NADK2: variants seen among roughly 807,000 people sequenced by gnomAD.
NADK2 encodes NAD kinase domain-containing protein 1, mitochondrial.
Under a neutral mutation model 62.1 loss-of-function variants are expected in NADK2, and 35 were observed. The ratio of observed to expected loss-of-function variants is 0.56; its 90% confidence interval spans 0.43 to 0.75. NADK2 has a LOEUF of 0.75. Ranked by LOEUF, NADK2 falls within the 30% of genes least tolerant of loss-of-function variation. The pLI is 0.00. For synonymous variants in NADK2, 205 were observed against 207.9 expected (o/e 0.99, Z 0.12); for missense variants, 439 against 561.3 (o/e 0.78, Z 2.20).
intron 4 of NADK2, among the ~76,000 whole-genome samples, chr5:36,225,021 C>G (rs1368706271): frequency 6.6e-6 from 1 of 152,072 alleles, no homozygotes; most frequent in Non-Finnish European, 1.5e-5. Context: ...CCCTCCTCAG[C>G]AATACCAAAG....
At chr5:36,239,327 A>G (rs1748022765) in intron 1 of NADK2, among the ~76,000 whole-genome samples, 4 of 152,242 alleles carry the variant, frequency 2.6e-5, no homozygotes, top group African/African-American at 4.8e-5. Flanking sequence ...CTGGTCTACA[A>G]CTAATGCTAT....
intron 1 of NADK2, among the ~76,000 whole-genome samples, chr5:36,239,603 C>G (rs1210902407): frequency 1.3e-5 from 2 of 152,114 alleles, no homozygotes; most frequent in Non-Finnish European, 2.9e-5. Flanking sequence ...CTTTTTAAGA[C>G]TTATTGATTT....
At chr5:36,230,717 G>A (rs1375841918) in intron 1 of NADK2, among the ~76,000 whole-genome samples, 1 of 151,894 alleles carries the variant, frequency 6.6e-6, no homozygotes, top group African/African-American at 2.4e-5. Context: ...AGTTACTATA[G>A]TATATTATTT....
intron 4 of NADK2, 49 bp from the exon 5 acceptor site, chr5:36,219,728 A>G (rs1185661901): frequency 2.8e-6 from 4 of 1,428,990 alleles, no homozygotes; most frequent in Non-Finnish European, 3.9e-6. Context: ...AAAAGAAAAA[A>G]GGTGAAGCAA....
chr5:36,195,199 G>C lies in NADK2; in HGVS notation c.1274C>G (p.Ala425Gly), dbSNP rs1746184149. 1.2e-6 allele frequency: 2 copies of C among 1,613,196 alleles called. No homozygotes were observed. The highest frequency in any genetic ancestry group is 2.7e-5 in the African/African-American group (2 of 74,852). Reference protein sequence around the residue: ...TSFEFNDGAIASMMINKEDEL... With the variant: ...TSFEFNDGAIGSMMINKEDEL... ...ATCTTCTTTATTGATCATCATCGAA[G>C]CAATTGCACCATCATTAAACTCAAA... Residue 425 changes from alanine to glycine, a missense_variant, in exon 12 of 12, where the codon GCT (alanine) becomes GGT (glycine). Physicochemically the swap from Ala to Gly is moderately conservative, Grantham distance 60 (BLOSUM62 0). Transcript: ENST00000381937.
At chr5:36,227,671 AT>A in intron 1 of NADK2, 106 bp from the exon 2 acceptor site, 1 of 499,466 alleles carries the variant, frequency 2.0e-6, no homozygotes, top group Non-Finnish European at 3.2e-6. Flanking sequence ...TTTTGAAAAT[AT>A]ATTTTAATAA....
intron 1 of NADK2, among the ~76,000 whole-genome samples, chr5:36,229,821 T>C (rs115796192): frequency 0.01 from 1,562 of 150,042 alleles, 21 homozygotes; most frequent in South Asian, 0.043. Flanking sequence ...ATGCTATTAT[T>C]ATTCATTCAG....
intron 10 of NADK2, among the ~76,000 whole-genome samples, chr5:36,199,865 A>C (rs1449702016): frequency 6.6e-6 from 1 of 152,082 alleles, no homozygotes; most frequent in Non-Finnish European, 1.5e-5. Flanking sequence ...TGAGTGAATA[A>C]GAAGATAAGC....
In NADK2 at chr5:36,193,857, G is replaced by C. The variant is rs1746123236; in HGVS notation, c.*1287C>G. On this transcript the variant is annotated 3_prime_UTR_variant, in exon 12 of 12. Coordinates refer to ENST00000381937, the MANE Select transcript of NADK2 (RefSeq NM_001085411.3). ...GCCCACAAGACTCAAATTGTATAAGGATAGAGTCTGTTTCATTCATCAACA... is the reference window on the plus strand; with the variant it reads ...GCCCACAAGACTCAAATTGTATAAGCATAGAGTCTGTTTCATTCATCAACA... 6.6e-6 allele frequency: 1 copy of C among 152,560 alleles called. No individual in the cohort carries two copies. The highest frequency in any genetic ancestry group is 1.5e-5 in the Non-Finnish European group (1 of 68,024). 9.5% of individuals were successfully genotyped at this position (152,560 alleles called of 1,614,324 possible).
rs77844035 is a variant in NADK2, at chr5:36,240,559, C to T, written c.300+940G>A. ...TTTCCAATATATTTTTCTGGACATA[C>T]TGCTCATGGTAGCACCGGGCACTCT... On this transcript the variant is annotated intron_variant, in intron 1 of 11. Transcript: ENST00000381937. 0.012 allele frequency among the ~76,000 whole-genome samples: 1,796 copies of T among 152,278 alleles called. 143 individuals are homozygous for T. The East Asian group carries it at 0.21, about 18-fold the overall frequency.
rs78985509 is a variant in NADK2, at chr5:36,200,931, G to T, written c.1012+175C>A. 0.012 allele frequency among the ~76,000 whole-genome samples: 1,851 copies of T among 152,118 alleles called. 158 individuals are homozygous for T. The East Asian group carries it at 0.21, about 18-fold the overall frequency. On this transcript the variant is annotated intron_variant, in intron 9 of 11. Transcript: ENST00000381937. ...AAAGGTCATATGCTGAGGTTGCTAA[G>T]ATTTACAATCAGATATATGAATCTT... is the stretch of plus-strand genomic sequence containing the variant.
Position 36,241,401 on chromosome 5 carries a change from T to G in NADK2, c.300+98A>C. On this transcript the variant is annotated intron_variant, in intron 1 of 11. Coordinates refer to ENST00000381937, the MANE Select transcript of NADK2 (RefSeq NM_001085411.3). The surrounding 1 kb of genome is among the most constrained non-coding windows in gnomAD (Gnocchi z 4.9). ...GGCAGGACCGGCATCTGCGGTGCCC[T>G]GGGAAGAGTCGTCCCGAGAGGTCCC... The G allele has an allele frequency of 7.2e-7, 1 of 1,390,172 alleles. No homozygotes were observed. The allele number at this position is 1,390,172 out of a possible 1,614,324, so 86.1% of individuals were successfully genotyped here.
rs1364465346 is a variant in NADK2 at position 36,241,657 on chromosome 5, C to G, written c.142G>C (p.Gly48Arg). The G allele has an allele frequency of 2.4e-6, 3 of 1,252,616 alleles. No individual in the cohort carries two copies. The African/African-American group carries it at 4.7e-5, about 20-fold the overall frequency. 77.6% of individuals were successfully genotyped at this position (1,252,616 alleles called of 1,614,324 possible). A position where few individuals can be genotyped will look rare whatever the true frequency, so the allele number is the denominator to read the frequency against. Residue 48 changes from glycine to arginine, a missense_variant, in exon 1 of 12, where the codon GGG becomes CGG. By Grantham distance (125) the Gly-to-Arg change is moderately radical. Transcript: ENST00000381937. This position sits in a 1 kb window ranked among gnomAD's most constrained non-coding sequence, Gnocchi z 4.9. ...GGDGGGRRHL[G>R]QGQPRELAGC... ...GCCAGCTCGCGCGGCTGCCCCTGCC[C>G]CAGGTGCCGCCGGCCGCCACCGTCA...
At chr5:36,226,339 T>C (rs2112164823) in intron 3 of NADK2, 136 bp downstream of exon 3, 1 of 600,996 alleles carries the variant, frequency 1.7e-6, no homozygotes, top group African/African-American at 1.8e-5. Flanking sequence ...GTTTTAAACT[T>C]GATCGTAACA....
intron 4 of NADK2, among the ~76,000 whole-genome samples, chr5:36,223,939 C>T (rs1045016532): frequency 3.3e-5 from 5 of 151,986 alleles, no homozygotes; most frequent in Non-Finnish European, 5.9e-5. Context: ...AAAGACAAGA[C>T]AGGACAAGAT....
At chr5:36,237,656 T>C (rs904593522) in intron 1 of NADK2, among the ~76,000 whole-genome samples, 16 of 152,176 alleles carry the variant, frequency 1.1e-4, no homozygotes, top group Admixed American at 2.0e-4. Context: ...GAATATGAAA[T>C]TTAAGACAAG....
chr5:36,217,580 A>G (rs890837167), intron 6 of NADK2, among the ~76,000 whole-genome samples, 168 bp downstream of exon 6: 1 of 152,188 alleles, frequency 6.6e-6, no homozygotes, highest in African/African-American at 2.4e-5. Context: ...ATATGCTATT[A>G]TTTACTTCAG....
chr5:36,224,576 G>C (rs962230687), intron 4 of NADK2, among the ~76,000 whole-genome samples: 1 of 150,822 alleles, frequency 6.6e-6, no homozygotes, highest in South Asian at 2.1e-4. Context: ...AAAAAAGAAA[G>C]AAAGAAAGCA....
chr5:36,241,816 C>CCGCGGG lies in NADK2; in HGVS notation c.-24_-19dup, dbSNP rs1189917326. The CCGCGGG allele has an allele frequency of 7.7e-7, 1 of 1,306,004 alleles. No homozygotes were observed. The highest frequency in any genetic ancestry group is 1.6e-5 in the African/African-American group (1 of 63,920). The allele number at this position is 1,306,004 out of a possible 1,614,324, so 80.9% of individuals were successfully genotyped here. On this transcript the variant is annotated 5_prime_UTR_variant, in exon 1 of 12. Coordinates refer to ENST00000381937, the MANE Select transcript of NADK2 (RefSeq NM_001085411.3). This position sits in a 1 kb window ranked among gnomAD's most constrained non-coding sequence, Gnocchi z 4.9. The stretch of plus-strand genomic sequence containing the variant: ...CAAGTCATCGTGGGCCGGGCCGCGG[C>CCGCGGG]CGCGGGCTTGGGCTCGGGCCCCTTG...
Sources: allele counts gnomAD v4.1 joint callset (sites outside exome capture counted in the v4.1 genomes callset), GRCh38; gene constraint gnomAD v4.1.1; non-coding constraint Gnocchi (gnomAD v3.1); transcripts MANE v1.5; gene names NCBI Gene and HGNC (gene_info 2026-07-23, HGNC 2026-07-21).